Variants in ARHGAP12 observed in about 807,000 individuals in gnomAD.
ARHGAP12 encodes the protein Rho GTPase activating protein 12.
ARHGAP12 carries 64 observed loss-of-function variants against 108.6 expected under a neutral mutation model. The ratio of observed to expected loss-of-function variants is 0.59; its 90% CI spans 0.48 to 0.73. The LOEUF (loss-of-function observed/expected upper bound fraction) is 0.73, where lower values mean the gene tolerates loss of function less well. ARHGAP12 is among the 30% of genes least tolerant of loss of function. ARHGAP12 has a pLI of 0.00. For synonymous variants in ARHGAP12, 312 were observed against 337.2 expected (o/e 0.93, Z 0.82); for missense variants, 940 against 1,005.9 (o/e 0.93, Z 0.89).
intron 4 of ARHGAP12, 89 bp from the exon 5 acceptor site, chr10:31,854,295 A>T (rs559533196): frequency 1.7e-6 from 2 of 1,148,878 alleles, no homozygotes; most frequent in East Asian, 2.6e-5. Flanking sequence ...TTACTTGACT[A>T]TAAGTATGAA....
At chr10:31,867,118 GT>G (rs1323433083) in intron 3 of ARHGAP12, among the ~76,000 whole-genome samples, 244 of 138,480 alleles carry the variant, frequency 1.8e-3, no homozygotes, top group East Asian at 9.7e-3. Context: ...TCTTTTTTTT[GT>G]TTTTTTTTTT....
intron 13 of ARHGAP12, among the ~76,000 whole-genome samples, chr10:31,816,367 C>T (rs1462420144): frequency 6.6e-6 from 1 of 152,094 alleles, no homozygotes; most frequent in African/African-American, 2.4e-5. Context: ...TGCTGTACCC[C>T]CCTACCATCG....
chr10:31,844,891 A>G (rs1348998035), intron 6 of ARHGAP12, among the ~76,000 whole-genome samples: 1 of 152,080 alleles, frequency 6.6e-6, no homozygotes, highest in Admixed American at 6.6e-5. Flanking sequence ...TCTGTTTGCA[A>G]ATATAAATTT....
intron 10 of ARHGAP12, among the ~76,000 whole-genome samples, chr10:31,829,017 TG>T (rs943681074): frequency 6.6e-6 from 1 of 152,098 alleles, no homozygotes; most frequent in Non-Finnish European, 1.5e-5. Context: ...CCACGCGTAG[TG>T]GCACATGCCT....
At chr10:31,841,113 T>G (rs141041121) in intron 7 of ARHGAP12, among the ~76,000 whole-genome samples, 40 of 152,170 alleles carry the variant, frequency 2.6e-4, no homozygotes, top group African/African-American at 9.4e-4. Flanking sequence ...AATACAGTAA[T>G]AACATATGTA....
intron 1 of ARHGAP12, among the ~76,000 whole-genome samples, chr10:31,926,032 C>A (rs1840023163): frequency 6.6e-6 from 1 of 151,906 alleles, no homozygotes; most frequent in South Asian, 2.1e-4. Flanking sequence ...TTTATATAGG[C>A]ATTACATTTC....
intron 10 of ARHGAP12, among the ~76,000 whole-genome samples, chr10:31,829,720 G>A (rs1387492243): frequency 2.0e-5 from 3 of 152,172 alleles, no homozygotes; most frequent in Non-Finnish European, 1.5e-5. Flanking sequence ...ATTCACTCAG[G>A]TGCAACAAAG....
Position 31,908,159 on chromosome 10 carries a change from T to C in ARHGAP12, c.684+13A>G, listed in dbSNP as rs1255767590. Reference sequence around the variant, plus strand: ...GGTGGTACAGTGTTTCCTCATTCTATTTTTAATCTTACCCTTATCTGTTCA... The same window carrying C: ...GGTGGTACAGTGTTTCCTCATTCTACTTTTAATCTTACCCTTATCTGTTCA... On this transcript the variant is annotated intron_variant, in intron 3 of 19. Transcript: ENST00000344936. The C allele has an allele frequency of 6.5e-7, 1 of 1,549,746 alleles. No individual in the cohort carries two copies. Among genetic ancestry groups the C allele is most frequent in the Non-Finnish European group, 8.7e-7 (1 of 1,152,018 alleles).
chr10:31,906,991 C>T (rs960520169), intron 3 of ARHGAP12, among the ~76,000 whole-genome samples: 1 of 152,162 alleles, frequency 6.6e-6, no homozygotes, highest in Non-Finnish European at 1.5e-5. Context: ...AGAGGTACTT[C>T]ACATAGCTTC....
intron 3 of ARHGAP12, among the ~76,000 whole-genome samples, chr10:31,885,481 C>A (rs1838156564): frequency 6.6e-6 from 1 of 152,078 alleles, no homozygotes; most frequent in Non-Finnish European, 1.5e-5. Flanking sequence ...TGCCTACTTT[C>A]CAACAACTTT....
intron 13 of ARHGAP12, among the ~76,000 whole-genome samples, chr10:31,816,815 C>T (rs1488082101): frequency 6.6e-6 from 1 of 152,064 alleles, no homozygotes; most frequent in Non-Finnish European, 1.5e-5. Context: ...TAAAGGCCTG[C>T]CCTCATGGTT....
intron 3 of ARHGAP12, among the ~76,000 whole-genome samples, chr10:31,889,596 ATTTTC>A (rs775981654): frequency 9.5e-4 from 75 of 78,916 alleles, no homozygotes; most frequent in Non-Finnish European, 1.7e-3. Flanking sequence ...AAGGATTTTG[ATTTTC>A]TTTTCTTAAT....
chr10:31,904,446 T>A (rs1839040788), intron 3 of ARHGAP12, among the ~76,000 whole-genome samples: 1 of 151,824 alleles, frequency 6.6e-6, no homozygotes, highest in Admixed American at 6.6e-5. Context: ...TTAAGGAGGG[T>A]TAAGATGGGA....
chr10:31,898,907 T>C (rs7908587), intron 3 of ARHGAP12, among the ~76,000 whole-genome samples: 3,658 of 152,174 alleles, frequency 0.024, 160 homozygotes, highest in African/African-American at 0.082. Flanking sequence ...GAATTATTCA[T>C]ACTAGCCAAA....
At chr10:31,886,270 A>T (rs1838185332) in intron 3 of ARHGAP12, among the ~76,000 whole-genome samples, 1 of 152,202 alleles carries the variant, frequency 6.6e-6, no homozygotes, top group Admixed American at 6.5e-5. Flanking sequence ...TTTTTAATGT[A>T]CACATTTTTT....
chr10:31,833,298 A>T (rs920178910), intron 9 of ARHGAP12, among the ~76,000 whole-genome samples: 1 of 151,152 alleles, frequency 6.6e-6, no homozygotes, highest in African/African-American at 2.4e-5. Context: ...GGTGGGAATT[A>T]AGCCCATTTT....
intron 9 of ARHGAP12, among the ~76,000 whole-genome samples, chr10:31,833,273 T>C (rs1216577547): frequency 1.3e-5 from 2 of 150,306 alleles, no homozygotes; most frequent in Non-Finnish European, 2.9e-5. Context: ...AACTCAGCAA[T>C]TGGAAAGGCA....
At position 31,807,284 on chromosome 10, in the gene ARHGAP12, A is replaced by G. The variant is rs764613052; in HGVS notation, c.*374T>C. 4 of 159,734 alleles carry G rather than the reference A, an allele frequency of 2.5e-5. No homozygotes were observed. The highest frequency in any genetic ancestry group is 5.5e-5 in the Non-Finnish European group (4 of 73,062). The allele number at this position is 159,734 out of a possible 1,614,324, so 9.9% of individuals were successfully genotyped here. ...CATAACTGAAAGTATTGTTCTATCA[A>G]GTCATGAATCTTGAGAAGAAAGTAC... On this transcript the variant is annotated 3_prime_UTR_variant, in exon 20 of 20. Transcript: ENST00000344936.
chr10:31,875,839 C>T (rs1389224702), intron 3 of ARHGAP12, among the ~76,000 whole-genome samples: 1 of 152,164 alleles, frequency 6.6e-6, no homozygotes, highest in Non-Finnish European at 1.5e-5. Context: ...AACATTAACT[C>T]CCCATCCTCC....
Sources: allele counts gnomAD v4.1 joint callset (sites outside exome capture counted in the v4.1 genomes callset), GRCh38; gene constraint gnomAD v4.1.1; transcripts MANE v1.5; gene names NCBI Gene and HGNC (gene_info 2026-07-23, HGNC 2026-07-21).